MRNIP: variants seen among roughly 807,000 people sequenced by gnomAD.
MRNIP encodes the protein MRN complex interacting protein.
Under a neutral mutation model 29.8 loss-of-function variants are expected in MRNIP, and 30 were observed. The observed-to-expected ratio is 1.01, with a 90% CI of 0.75 to 1.36. The LOEUF (loss-of-function observed/expected upper bound fraction) is 1.36, where lower values mean the gene tolerates loss of function less well. MRNIP is among the 40% of genes most tolerant of loss of function. The pLI, the probability that MRNIP is intolerant of heterozygous loss-of-function variation, is 0.00. For synonymous variants in MRNIP, 201 were observed against 164.1 expected (o/e 1.23, Z -1.72); for missense variants, 459 against 423.5 (o/e 1.08, Z -0.74).
chr5:179,853,520 T>A, intron 1 of MRNIP, 83 bp from the exon 2 acceptor site: 1 of 1,163,914 alleles, frequency 8.6e-7, no homozygotes, highest in Non-Finnish European at 1.2e-6. Context: ...CTCATGCCTG[T>A]AATCCCCCTT....
At chr5:179,846,462 T>C (rs988173318) in intron 3 of MRNIP, among the ~76,000 whole-genome samples, 5 of 152,072 alleles carry the variant, frequency 3.3e-5, no homozygotes, top group Non-Finnish European at 7.4e-5. Context: ...TTTGTATTTT[T>C]AGTAGAGACG....
chr5:179,839,580 T>TA (rs1758778769), intron 6 of MRNIP: 1 of 152,326 alleles, frequency 6.6e-6, no homozygotes, highest in Non-Finnish European at 1.5e-5. Context: ...GCCACTTACT[T>TA]ACCCAGGATC....
rs80153489 is a variant in MRNIP, at chr5:179,840,520, C to T, written c.537+352G>A. On this transcript the variant is annotated intron_variant, in intron 6 of 6. Transcript: ENST00000292586. ...GGGAAGCATCTCCCAGGATTCAGGG[C>T]GGCCCGCTGACGACTCCTGCCCGGA... The T allele has an allele frequency of 7.7e-3, 3,291 of 429,720 alleles. 75 individuals carry two copies. The highest frequency in any genetic ancestry group is 0.049 in the African/African-American group (2,447 of 49,540). 26.6% of individuals were successfully genotyped at this position (429,720 alleles called of 1,614,324 possible).
At chr5:179,842,922 T>G (rs529532219) in intron 4 of MRNIP, among the ~76,000 whole-genome samples, 1 of 149,768 alleles carries the variant, frequency 6.7e-6, no homozygotes, top group African/African-American at 2.5e-5. Context: ...AATCCCAGCT[T>G]CTTGGGAGGC....
chr5:179,856,457 C>T (rs572594862), intron 1 of MRNIP, among the ~76,000 whole-genome samples: 1 of 152,126 alleles, frequency 6.6e-6, no homozygotes, highest in East Asian at 1.9e-4. Flanking sequence ...ACTTGCCGTC[C>T]TCTTTGGTTT....
chr5:179,845,724 G>A (rs1759100395), intron 3 of MRNIP: 1 of 151,958 alleles, frequency 6.6e-6, no homozygotes, highest in Non-Finnish European at 1.5e-5. Flanking sequence ...TTGAACTCCT[G>A]ACCTCAAATA....
chr5:179,855,031 G>A (rs189134192), intron 1 of MRNIP, among the ~76,000 whole-genome samples: 158 of 152,112 alleles, frequency 1.0e-3, no homozygotes, highest in African/African-American at 3.2e-3. Flanking sequence ...ATAAAGGAGC[G>A]GAAAACCCTA....
chr5:179,839,463 A>C (rs1758770967), intron 6 of MRNIP: 1 of 152,228 alleles, frequency 6.6e-6, no homozygotes, highest in African/African-American at 2.4e-5. Flanking sequence ...AAACAAAGCA[A>C]CAGGCTTGAG....
chr5:179,845,368 T>C (rs6881038), intron 3 of MRNIP, among the ~76,000 whole-genome samples: 22,939 of 152,056 alleles, frequency 0.15, 4,361 homozygotes, highest in African/African-American at 0.45. Context: ...AGGCTGGTCA[T>C]GAACTCCTGA....
At position 179,842,055 on chromosome 5, in the gene MRNIP, G is replaced by T. The variant is rs1758904315; in HGVS notation, c.301C>A (p.Gln101Lys). The change falls in exon 5 of 7, where the codon CAG becomes AAG. Residue 101 changes from glutamine (Q) to lysine (K), a missense_variant. Transcript: ENST00000292586. ...AGNVKQQEKSQPSESRWLKYL... is the reference protein window; with the variant it reads ...AGNVKQQEKSKPSESRWLKYL... ...TTCAGCCAGCGACTCTCTGAGGGCTGCGATTTTTCCTGCCAGATTGAGAAA... is the reference window on the plus strand; with the variant it reads ...TTCAGCCAGCGACTCTCTGAGGGCTTCGATTTTTCCTGCCAGATTGAGAAA... The T allele has an allele frequency of 1.2e-6, 2 of 1,612,554 alleles. No individual in the cohort carries two copies. The highest frequency in any genetic ancestry group is 2.2e-5 in the South Asian group (2 of 90,734).
rs1189204957 is a variant in MRNIP, at chr5:179,837,610, GGCCTGTGCTCTGGGGGTCCCTTGCTTA to G, written c.786_812del (p.Lys263_Ala271del). ...TGGGCCTGCTGAGGCCTTCTCTTGA[GGCCTGTGCTCTGGGGGTCCCTTGCTTA>G]GCCTGTGCTGGACCAGCTGGCCTGG... On this transcript the variant is annotated inframe_deletion, in exon 7 of 7. Coordinates refer to ENST00000292586, the MANE Select transcript of MRNIP (RefSeq NM_016175.4). 2 of 1,614,122 alleles carry G rather than the reference GGCCTGTGCTCTGGGGGTCCCTTGCTTA, an allele frequency of 1.2e-6. No individual in the cohort carries two copies. Among genetic ancestry groups the G allele is most frequent in the African/African-American group, 2.7e-5 (2 of 74,946 alleles).
At chr5:179,851,915 T>C (rs1759386510) in intron 2 of MRNIP, among the ~76,000 whole-genome samples, 1 of 149,588 alleles carries the variant, frequency 6.7e-6, no homozygotes, top group South Asian at 2.1e-4. Flanking sequence ...GGGGCGGAGC[T>C]TGCAGTGAGC....
rs576756151 is a variant in MRNIP at position 179,851,523 on chromosome 5, C to A, written c.126+1855G>T. On this transcript the variant is annotated intron_variant, in intron 2 of 6. Coordinates refer to ENST00000292586, the MANE Select transcript of MRNIP (RefSeq NM_016175.4). Reference sequence around the variant, plus strand: ...GAAAAGCTGATGTCTGGCTTGTTGGCAGCTTTTCAGTTCTTGGGGCTAGTT... The same window carrying A: ...GAAAAGCTGATGTCTGGCTTGTTGGAAGCTTTTCAGTTCTTGGGGCTAGTT... The A allele has an allele frequency of 2.1e-5, 9 of 438,952 alleles. No homozygotes were observed. In the Admixed American group the frequency reaches 2.1e-4, roughly 10 times the overall value. 27.2% of individuals were successfully genotyped at this position (438,952 alleles called of 1,614,324 possible).
intron 4 of MRNIP, among the ~76,000 whole-genome samples, chr5:179,843,933 G>A (rs924341104): frequency 2.0e-5 from 3 of 152,136 alleles, no homozygotes; most frequent in African/African-American, 7.2e-5. Flanking sequence ...AGAGGAGAGA[G>A]TCCTTTGCAG....
At chr5:179,854,595 G>A (rs116071445) in intron 1 of MRNIP, among the ~76,000 whole-genome samples, 17 of 152,136 alleles carry the variant, frequency 1.1e-4, no homozygotes, top group African/African-American at 3.9e-4. Flanking sequence ...CGGGTAGCAT[G>A]GCAAGAGGCT....
At position 179,841,963 on chromosome 5, in the gene MRNIP, A is replaced by G. The variant is rs917916305; in HGVS notation, c.393T>C (p.Pro131=). Residue 131 remains proline, a synonymous_variant, in exon 5 of 7, where the codon CCT becomes CCC. Transcript: ENST00000292586. ...GGCCTGGCTCCTCCATTTTGGATGA[A>G]GGCTGTTTGCTGAAACACACTCCTG... The part of the protein sequence containing the change: ...EGTGVCFSKQ[P]SSKMEEPGPR... The G allele has an allele frequency of 1.2e-6, 2 of 1,614,128 alleles. No individual in the cohort carries two copies. Among genetic ancestry groups the G allele is most frequent in the South Asian group, 2.2e-5 (2 of 91,076 alleles).
At chr5:179,844,112 G>T (rs1287284731) in intron 4 of MRNIP, 40 bp downstream of exon 4, 6 of 1,562,728 alleles carry the variant, frequency 3.8e-6, no homozygotes, top group Non-Finnish European at 5.3e-6. Flanking sequence ...TCCCTTCCCT[G>T]ACACAGAGCC....
rs555771869 is a variant in MRNIP at position 179,853,766 on chromosome 5, C to T, written c.67-329G>A. Among the ~76,000 whole-genome samples the T allele has an allele frequency of 2.0e-5, 3 of 152,048 alleles. No homozygotes were observed. The South Asian group carries it at 6.2e-4, about 32-fold the overall frequency. On this transcript the variant is annotated intron_variant, in intron 1 of 6. Coordinates refer to ENST00000292586, the MANE Select transcript of MRNIP (RefSeq NM_016175.4). ...CAGCCTACACGACAGGGTGAGACTC[C>T]ATCTCAAAAAAACAAACAAACAAAC...
At chr5:179,851,684 TA>T (rs1262580312) in intron 2 of MRNIP, among the ~76,000 whole-genome samples, 1 of 151,886 alleles carries the variant, frequency 6.6e-6, no homozygotes, top group Non-Finnish European at 1.5e-5. Context: ...TTCCCTTTTT[TA>T]AAAAAAATAT....
Sources: allele counts gnomAD v4.1 joint callset (sites outside exome capture counted in the v4.1 genomes callset), GRCh38; gene constraint gnomAD v4.1.1; transcripts MANE v1.5; gene names NCBI Gene and HGNC (gene_info 2026-07-23, HGNC 2026-07-21).